The following SYT2 variants were observed in gnomAD, a reference collection of about 807,000 sequenced individuals.
SYT2 encodes the protein synaptotagmin-2.
Under a neutral mutation model 39.9 loss-of-function variants are expected in SYT2, and 15 were observed. The ratio of observed to expected loss-of-function variants is 0.38; its 90% CI spans 0.25 to 0.58. SYT2 has a LOEUF of 0.58. Ranked by LOEUF, SYT2 falls within the 20% of genes least tolerant of loss-of-function variation. SYT2 has a pLI of 0.70. For missense variants in SYT2, 389 were observed against 530.3 expected, an observed-to-expected ratio of 0.73 and a Z score of 2.62; for synonymous variants, 181 against 204.5, an observed-to-expected ratio of 0.89 and a Z score of 0.98.
chr1:202,685,934 G>A (rs143902899), intron 1 of SYT2, among the ~76,000 whole-genome samples: 22 of 152,056 alleles, frequency 1.4e-4, no homozygotes, highest in African/African-American at 4.8e-4. Flanking sequence ...AGATGCAGGA[G>A]CTCTCACCCT....
chr1:202,710,194 A>T (rs943776428), intron 1 of SYT2, 64 bp downstream of exon 1: 2 of 152,498 alleles, frequency 1.3e-5, no homozygotes, highest in Non-Finnish European at 2.9e-5. Context: ...TCGACTCAGT[A>T]GCAGGAAAGG....
chr1:202,695,043 ATT>A (rs1653939056), intron 1 of SYT2, among the ~76,000 whole-genome samples: 1 of 152,030 alleles, frequency 6.6e-6, no homozygotes, highest in Admixed American at 6.6e-5. Context: ...GTGTTTGAAA[ATT>A]CCTCCTCATA....
In SYT2 at chr1:202,594,468, G is replaced by A. The variant is rs1222285140; in HGVS notation, c.*2289C>T. The stretch of plus-strand genomic sequence containing the variant: ...CCATGAGTGAGTCTGTGGGATATGG[G>A]TGAGAAGAGTGAGTCTGGGGAGAGA... On this transcript the variant is annotated 3_prime_UTR_variant, in exon 9 of 9. Coordinates refer to ENST00000367268, the MANE Select transcript of SYT2 (RefSeq NM_177402.5). 1 of 152,218 alleles carries A rather than the reference G, an allele frequency of 6.6e-6. No individual in the cohort carries two copies. The highest frequency in any genetic ancestry group is 1.5e-5 in the Non-Finnish European group (1 of 68,062). 9.4% of individuals were successfully genotyped at this position (152,218 alleles called of 1,614,324 possible). A position where few individuals can be genotyped will look rare whatever the true frequency, so the allele number is the denominator to read the frequency against.
chr1:202,675,186 TGTG>T (rs1457402942), intron 1 of SYT2, among the ~76,000 whole-genome samples: 1 of 152,056 alleles, frequency 6.6e-6, no homozygotes, highest in Non-Finnish European at 1.5e-5. Flanking sequence ...AAAAATAAGA[TGTG>T]GTGAATACTG....
At position 202,594,692 on chromosome 1, in the gene SYT2, A is replaced by G. The variant is rs1690227232; in HGVS notation, c.*2065T>C. ...ATCCTGATCAGAGTCTTACCTTCCC[A>G]TCATTAAGTACACACACACACACAC... On this transcript the variant is annotated 3_prime_UTR_variant, in exon 9 of 9. Transcript: ENST00000367268. 1 of 148,688 alleles carries G rather than the reference A, an allele frequency of 6.7e-6. No homozygotes were observed. The highest frequency in any genetic ancestry group is 2.6e-5 in the African/African-American group (1 of 39,186). 9.2% of individuals were successfully genotyped at this position (148,688 alleles called of 1,614,324 possible).
intron 1 of SYT2, among the ~76,000 whole-genome samples, chr1:202,691,739 G>T (rs1558463455): frequency 2.9e-5 from 2 of 67,866 alleles, no homozygotes; most frequent in Non-Finnish European, 7.0e-5. Flanking sequence ...GGGGGAGAGA[G>T]AGAGAGAGAG....
chr1:202,638,497 G>T (rs1362378683), intron 1 of SYT2, among the ~76,000 whole-genome samples: 2 of 152,236 alleles, frequency 1.3e-5, no homozygotes, highest in Non-Finnish European at 2.9e-5. Context: ...AGGCCTTTCT[G>T]CAAAAGCTTC....
intron 1 of SYT2, among the ~76,000 whole-genome samples, chr1:202,609,054 A>T (rs1366704790): frequency 1.7e-5 from 2 of 116,954 alleles, no homozygotes; most frequent in East Asian, 5.4e-4. Flanking sequence ...CAGGCCCCAG[A>T]GTGTGATGTT....
chr1:202,677,933 C>T (rs900675394), intron 1 of SYT2, among the ~76,000 whole-genome samples: 4 of 152,066 alleles, frequency 2.6e-5, no homozygotes, highest in African/African-American at 9.7e-5. Flanking sequence ...CTTAACTATA[C>T]AGGGAAAAAG....
chr1:202,690,251 CACAGG>C (rs2149116690), intron 1 of SYT2, among the ~76,000 whole-genome samples: 1 of 152,282 alleles, frequency 6.6e-6, no homozygotes, highest in South Asian at 2.1e-4. Context: ...CCCAGCAAGT[CACAGG>C]CCAAGCTGAG....
intron 1 of SYT2, among the ~76,000 whole-genome samples, chr1:202,681,110 G>T (rs1259696967): frequency 1.3e-5 from 2 of 151,840 alleles, no homozygotes; most frequent in African/African-American, 4.8e-5. Flanking sequence ...TCCCACCCTG[G>T]CTCCTGGTCT....
rs185559583 is a variant in SYT2, at chr1:202,682,162, G to A, written c.-18+28096C>T. Among the ~76,000 whole-genome samples the A allele has an allele frequency of 4.2e-4, 64 of 152,294 alleles. 1 individual carries two copies. The highest frequency in any genetic ancestry group is 1.3e-3 in the African/African-American group (52 of 41,568). ...TGGAGGTTAGGTAGCATTCCCTGCC[G>A]TATTTCTCCCCAGCTGCCGGCTGGG... On this transcript the variant is annotated intron_variant, in intron 1 of 8. Transcript: ENST00000367268.
chr1:202,687,307 C>G (rs927896083), intron 1 of SYT2, among the ~76,000 whole-genome samples: 21 of 152,140 alleles, frequency 1.4e-4, no homozygotes, highest in Non-Finnish European at 1.3e-4. Flanking sequence ...GTAAGCTGGC[C>G]CCACCTGGCC....
intron 5 of SYT2, 29 bp from the exon 6 acceptor site, chr1:202,602,086 G>A (rs774162502): frequency 5.0e-6 from 8 of 1,612,338 alleles, no homozygotes; most frequent in East Asian, 2.2e-5. Flanking sequence ...ATCAGAGGGG[G>A]CCAGAGCGAC....
chr1:202,613,067 C>CTTTTTT (rs1690930669), intron 1 of SYT2, among the ~76,000 whole-genome samples: 1 of 121,604 alleles, frequency 8.2e-6, no homozygotes. Flanking sequence ...ATTGGTTCTT[C>CTTTTTT]CTTTTTTTTT....
rs1294991805 is a variant in SYT2, at chr1:202,628,075, C to T, written c.-17-22286G>A. Among the ~76,000 whole-genome samples the T allele has an allele frequency of 2.0e-5, 3 of 152,204 alleles. No individual in the cohort carries two copies. The highest frequency in any genetic ancestry group is 7.2e-5 in the African/African-American group (3 of 41,452). Reference sequence around the variant, plus strand: ...GTCTAACGGGAAGATCACAAAGGCACCGGGCTCAGAGGTGGGTGCCGGGGG... The same window carrying T: ...GTCTAACGGGAAGATCACAAAGGCATCGGGCTCAGAGGTGGGTGCCGGGGG... On this transcript the variant is annotated intron_variant, in intron 1 of 8. Transcript: ENST00000367268. The surrounding 1 kb of genome is among the most constrained non-coding windows in gnomAD (Gnocchi z 4.2).
At chr1:202,626,753 G>A (rs1344786398) in intron 1 of SYT2, among the ~76,000 whole-genome samples, 1 of 152,100 alleles carries the variant, frequency 6.6e-6, no homozygotes, top group Non-Finnish European at 1.5e-5. Context: ...AAGGGTGGTG[G>A]GGTCATGAGA....
intron 1 of SYT2, among the ~76,000 whole-genome samples, chr1:202,654,363 C>T (rs1270649498): frequency 6.6e-6 from 1 of 152,214 alleles, no homozygotes; most frequent in Non-Finnish European, 1.5e-5. Context: ...CCTGTGATAG[C>T]TGCTTCCACT....
chr1:202,619,560 AC>A (rs1316290073), intron 1 of SYT2, among the ~76,000 whole-genome samples: 19 of 152,262 alleles, frequency 1.2e-4, no homozygotes, highest in East Asian at 9.6e-4. Flanking sequence ...CTGCCATTGC[AC>A]CCTGTCTCCC....
Sources: allele counts gnomAD v4.1 joint callset (sites outside exome capture counted in the v4.1 genomes callset), GRCh38; gene constraint gnomAD v4.1.1; non-coding constraint Gnocchi (gnomAD v3.1); transcripts MANE v1.5; gene names NCBI Gene and HGNC (gene_info 2026-07-23, HGNC 2026-07-21).